The following ASTN1 variants were observed in gnomAD, a reference collection of about 807,000 sequenced individuals.
The protein encoded by ASTN1 is astrotactin 1.
ASTN1 carries 41 observed loss-of-function variants against 140.7 expected under a neutral mutation model. The observed-to-expected ratio is 0.29, with a 90% CI of 0.23 to 0.38. ASTN1 has a LOEUF of 0.38. ASTN1 is among the 10% of genes least tolerant of loss of function. The pLI, the probability that ASTN1 is intolerant of heterozygous loss-of-function variation, is 1.00. For missense variants in ASTN1, 1,479 were observed against 1,678.8 expected, an observed-to-expected ratio of 0.88 and a Z score of 2.08; for synonymous variants, 640 against 652.2, an observed-to-expected ratio of 0.98 and a Z score of 0.29.
rs186510246 is a variant in ASTN1, at chr1:176,950,183, T to C, written c.1888-832A>G. On this transcript the variant is annotated intron_variant, in intron 11 of 22. Coordinates refer to ENST00000361833, the MANE Select transcript of ASTN1 (RefSeq NM_004319.3). Reference sequence around the variant, plus strand: ...TACAGCACTTACCCATCACCTATTATATGCCAGGCCGTGGTCTAAGGTGCT... The same window carrying C: ...TACAGCACTTACCCATCACCTATTACATGCCAGGCCGTGGTCTAAGGTGCT... 2.0e-4 allele frequency among the ~76,000 whole-genome samples: 30 copies of C among 152,346 alleles called. No homozygotes were observed. In the East Asian group the frequency reaches 5.0e-3, roughly 25 times the overall value.
At chr1:177,136,764 CTAGT>C (rs1183875180) in intron 1 of ASTN1, among the ~76,000 whole-genome samples, 2 of 152,192 alleles carry the variant, frequency 1.3e-5, no homozygotes, top group Admixed American at 6.5e-5. Flanking sequence ...TACCCAGGGG[CTAGT>C]TAGTCAAACA....
chr1:176,981,502 T>A (rs570225512), intron 8 of ASTN1: 2 of 152,312 alleles, frequency 1.3e-5, no homozygotes, highest in South Asian at 2.1e-4. Flanking sequence ...ATATGACTGG[T>A]GTCCTTTTAA....
chr1:177,052,213 G>A (rs1005115211), intron 2 of ASTN1, among the ~76,000 whole-genome samples: 2 of 152,088 alleles, frequency 1.3e-5, no homozygotes, highest in African/African-American at 4.8e-5. Context: ...CCTCTGAGAG[G>A]CTGCCATGAT....
intron 17 of ASTN1, among the ~76,000 whole-genome samples, chr1:176,894,217 G>A (rs1669392362): frequency 6.6e-6 from 1 of 152,006 alleles, no homozygotes; most frequent in Non-Finnish European, 1.5e-5. Flanking sequence ...AGGCAGAACT[G>A]AGCATCCTCC....
At position 176,996,285 on chromosome 1, in the gene ASTN1, T is replaced by TCACA. The variant is rs879603228; in HGVS notation, c.1523+18505_1523+18506insTGTG. ...TCCTCTCTCTCTCTCTCTCTCTCTC[T>TCACA]CTCTCACACACACACACACACACAC... On this transcript the variant is annotated intron_variant, in intron 8 of 22. Transcript: ENST00000361833. Among the ~76,000 whole-genome samples, 42 of 122,086 alleles carry TCACA rather than the reference T, an allele frequency of 3.4e-4. No homozygotes were observed. In the South Asian group the frequency reaches 4.6e-3, roughly 13 times the overall value. The allele number at this position is 122,086 out of a possible 152,430, so 80.1% of individuals were successfully genotyped here. A position where few individuals can be genotyped will look rare whatever the true frequency, so the allele number is the denominator to read the frequency against.
chr1:177,067,993 G>A (rs1414960712), intron 1 of ASTN1, among the ~76,000 whole-genome samples: 3 of 152,146 alleles, frequency 2.0e-5, no homozygotes, highest in African/African-American at 2.4e-5. Flanking sequence ...CCAGATGAGA[G>A]CCACAGAAAA....
intron 8 of ASTN1, among the ~76,000 whole-genome samples, chr1:176,987,211 G>A (rs1303419874): frequency 6.6e-6 from 1 of 152,174 alleles, no homozygotes; most frequent in Non-Finnish European, 1.5e-5. Context: ...TTTTTGGTAA[G>A]TGGCCAGACA....
At chr1:177,135,027 T>C (rs1682124147) in intron 1 of ASTN1, among the ~76,000 whole-genome samples, 1 of 152,134 alleles carries the variant, frequency 6.6e-6, no homozygotes, top group Admixed American at 6.5e-5. Context: ...TGACCTTCAA[T>C]GCAATATTAA....
intron 5 of ASTN1, among the ~76,000 whole-genome samples, chr1:177,028,807 C>T (rs887686534): frequency 2.0e-4 from 30 of 152,320 alleles, no homozygotes; most frequent in African/African-American, 7.0e-4. Flanking sequence ...CTATGTTCTA[C>T]GCACAAGGTA....
intron 1 of ASTN1, among the ~76,000 whole-genome samples, chr1:177,086,095 A>C (rs1193837595): frequency 6.6e-6 from 1 of 152,054 alleles, no homozygotes; most frequent in East Asian, 1.9e-4. Flanking sequence ...AAACTCAATA[A>C]TTATGATCTG....
intron 1 of ASTN1, among the ~76,000 whole-genome samples, chr1:177,158,815 T>C (rs1020983233): frequency 6.6e-6 from 1 of 150,844 alleles, no homozygotes; most frequent in Non-Finnish European, 1.5e-5. Flanking sequence ...CCCAGCACTT[T>C]GGGAGGCCGA....
Position 176,876,657 on chromosome 1 carries a change from C to T in ASTN1, c.3363-20G>A. 1 of 1,611,208 alleles carries T rather than the reference C, an allele frequency of 6.2e-7. No homozygotes were observed. The highest frequency in any genetic ancestry group is 8.5e-7 in the Non-Finnish European group (1 of 1,177,838). ...GTGAACCTGGCAGGGAGTGGGAGGG[C>T]ATGGTTAGCAGAAACAGTGTGGCTG... is the stretch of plus-strand genomic sequence containing the variant. On this transcript the variant is annotated intron_variant, in intron 20 of 22. Transcript: ENST00000361833.
intron 1 of ASTN1, among the ~76,000 whole-genome samples, chr1:177,129,177 A>C (rs1681818243): frequency 6.6e-6 from 1 of 152,194 alleles, no homozygotes; most frequent in Admixed American, 6.5e-5. Flanking sequence ...AAGCAGTGTA[A>C]AAATTTCCCA....
chr1:177,118,493 T>A lies in ASTN1; in HGVS notation c.283+45901A>T, dbSNP rs1558108445. ...TGGTGTCAGTATGCAAATTAGTATATCCCTAGAAGCATAAAGAAAGCAGTT... is the reference window on the plus strand; with the variant it reads ...TGGTGTCAGTATGCAAATTAGTATAACCCTAGAAGCATAAAGAAAGCAGTT... On this transcript the variant is annotated intron_variant, in intron 1 of 22. Transcript: ENST00000361833. Among the ~76,000 whole-genome samples the A allele has an allele frequency of 2.6e-5, 4 of 152,162 alleles. No homozygotes were observed. In the East Asian group the frequency reaches 7.7e-4, roughly 29 times the overall value.
intron 1 of ASTN1, among the ~76,000 whole-genome samples, chr1:177,111,761 T>A (rs959382575): frequency 1.3e-5 from 2 of 152,188 alleles, no homozygotes; most frequent in African/African-American, 4.8e-5. Context: ...TCTAGACAAC[T>A]GCTGGGCATG....
At chr1:176,927,353 G>C (rs969067163) in intron 16 of ASTN1, among the ~76,000 whole-genome samples, 1 of 152,094 alleles carries the variant, frequency 6.6e-6, no homozygotes, top group Non-Finnish European at 1.5e-5. Flanking sequence ...AGCAAGAAAA[G>C]GCGTTGGCAA....
At chr1:176,911,999 A>G (rs894709917) in intron 16 of ASTN1, among the ~76,000 whole-genome samples, 1 of 152,210 alleles carries the variant, frequency 6.6e-6, no homozygotes, top group Non-Finnish European at 1.5e-5. Flanking sequence ...TTACGATCTT[A>G]TGGGACCACT....
At chr1:176,912,820 A>G (rs1670303942) in intron 16 of ASTN1, among the ~76,000 whole-genome samples, 1 of 152,216 alleles carries the variant, frequency 6.6e-6, no homozygotes, top group Admixed American at 6.5e-5. Flanking sequence ...TGGCTTTCTC[A>G]TAGCAAGCTC....
intron 2 of ASTN1, among the ~76,000 whole-genome samples, chr1:177,035,660 T>G (rs1048077544): frequency 3.9e-5 from 6 of 152,214 alleles, no homozygotes; most frequent in African/African-American, 1.4e-4. Context: ...AAATGTGTAC[T>G]TTCTTTCAAC....
Sources: gnomAD v4.1 joint callset for allele counts (sites outside exome capture counted in the v4.1 genomes callset) on GRCh38, gnomAD v4.1.1 for gene constraint, MANE v1.5 for transcripts, NCBI Gene and HGNC (gene_info 2026-07-23, HGNC 2026-07-21) for gene names.